The following ZNF91 variants were observed in gnomAD, a reference collection of about 807,000 sequenced individuals.
The protein encoded by ZNF91 is zinc finger protein 91 (HPF7, HTF10).
In ZNF91, 7 loss-of-function variants were observed where a neutral mutation model predicts 12.6. That is an observed-to-expected ratio of 0.55 (90% CI 0.31 to 1.04). The LOEUF (loss-of-function observed/expected upper bound fraction) is 1.04. Among genes scored for constraint, ZNF91 ranks in the 50% least tolerant of loss-of-function variants. ZNF91 has a pLI of 0.05. For synonymous variants in ZNF91, 453 were observed against 462.6 expected (o/e 0.98, Z 0.27); for missense variants, 1,217 against 1,385.4 (o/e 0.88, Z 1.93).
chr19:23,388,393 A>T (rs1969946393), intron 1 of ZNF91, among the ~76,000 whole-genome samples: 1 of 145,636 alleles, frequency 6.9e-6, no homozygotes, highest in African/African-American at 2.5e-5. Context: ...TTCATATAAA[A>T]CCACAACAGA....
chr19:23,323,724 G>T (rs1967771703), intron 1 of ZNF91, among the ~76,000 whole-genome samples: 2 of 96,016 alleles, frequency 2.1e-5, no homozygotes, highest in African/African-American at 4.8e-5. Flanking sequence ...TTTCTTCTAC[G>T]CCTTCTCCTC....
intron 1 of ZNF91, 99 bp from the exon 2 acceptor site, chr19:23,374,863 T>C (rs1969446165): frequency 1.7e-5 from 26 of 1,550,302 alleles, no homozygotes; most frequent in African/African-American, 4.2e-5. Context: ...GAACTGGTTC[T>C]GACTTATAAG....
chr19:23,351,859 C>G (rs1599711029), intron 3 of ZNF91, among the ~76,000 whole-genome samples: 2 of 152,262 alleles, frequency 1.3e-5, no homozygotes, highest in South Asian at 2.1e-4. Flanking sequence ...CACCCCCATA[C>G]AGGGTGGAGG....
At position 23,359,493 on chromosome 19, in the gene ZNF91, G is replaced by A. The variant is rs1968618930; in HGVS notation, c.3486C>T (p.Ile1162=). 4 of 1,612,988 alleles carry A rather than the reference G, an allele frequency of 2.5e-6. No individual in the cohort carries two copies. Among genetic ancestry groups the A allele is most frequent in the Non-Finnish European group, 3.4e-6 (4 of 1,179,034 alleles). The stretch of plus-strand genomic sequence containing the variant: ...CCGCCTCGGCCTCCCAAAGTAGTGG[G>A]ATTACAGGTGTGATAGTATGAATTT... ...HKKIHTITPV[I]PLLWEAEAGG... is the part of the protein sequence containing the mutation. The change falls in exon 4 of 4, where the codon ATC becomes ATT. Residue 1162 remains isoleucine, a synonymous_variant. Coordinates refer to ENST00000300619, the MANE Select transcript of ZNF91 (RefSeq NM_003430.4).
intron 3 of ZNF91, among the ~76,000 whole-genome samples, chr19:23,343,988 G>A (rs1284314812): frequency 2.0e-5 from 3 of 152,182 alleles, no homozygotes; most frequent in African/African-American, 7.2e-5. Context: ...CAGGAAACAT[G>A]CTAACCAAGT....
At chr19:23,380,907 T>C (rs1214834925) in intron 1 of ZNF91, 1 of 152,186 alleles carries the variant, frequency 6.6e-6, no homozygotes, top group East Asian at 1.9e-4. Flanking sequence ...GTTAATATAA[T>C]GGAATATATG....
chr19:23,337,358 G>A (rs537333770), downstream of ZNF91, among the ~76,000 whole-genome samples: 13 of 145,636 alleles, frequency 8.9e-5, no homozygotes, highest in Non-Finnish European at 1.8e-4. Context: ...ATGTGTGTGT[G>A]TATATATATA....
downstream of ZNF91, chr19:23,338,694 G>C (rs1159144857): frequency 2.0e-5 from 3 of 152,070 alleles, no homozygotes; most frequent in East Asian, 5.8e-4. Context: ...TTAACATTAT[G>C]ATAGTAACAA....
At chr19:23,308,363 A>T (rs1008337824) in intron 2 of ZNF91, 3 of 152,156 alleles carry the variant, frequency 2.0e-5, no homozygotes, top group African/African-American at 7.2e-5. Context: ...GGGCATTTTG[A>T]CATATCTCTG....
intron 1 of ZNF91, among the ~76,000 whole-genome samples, chr19:23,394,286 G>T (rs1358582151): frequency 6.6e-6 from 1 of 152,210 alleles, no homozygotes; most frequent in African/African-American, 2.4e-5. Context: ...CTAGTCCTCG[G>T]ATTTCTACTT....
intron 1 of ZNF91, among the ~76,000 whole-genome samples, chr19:23,320,887 A>G (rs1302116763): frequency 6.6e-6 from 1 of 152,164 alleles, no homozygotes; most frequent in African/African-American, 2.4e-5. Context: ...AAAAGTTGCA[A>G]TGTTGACTCT....
At chr19:23,394,559 C>T (rs769305815) in intron 1 of ZNF91, among the ~76,000 whole-genome samples, 1 of 151,860 alleles carries the variant, frequency 6.6e-6, no homozygotes, top group Non-Finnish European at 1.5e-5. Context: ...GGTGAAACCC[C>T]GTCTCTCCGA....
At chr19:23,378,120 G>A (rs1216404290) in intron 1 of ZNF91, among the ~76,000 whole-genome samples, 1 of 152,166 alleles carries the variant, frequency 6.6e-6, no homozygotes, top group Admixed American at 6.6e-5. Context: ...AAAACAAGTT[G>A]CTAAATGGAA....
intron 1 of ZNF91, among the ~76,000 whole-genome samples, chr19:23,321,127 C>T (rs1289576052): frequency 2.0e-5 from 3 of 152,152 alleles, no homozygotes; most frequent in Non-Finnish European, 4.4e-5. Flanking sequence ...ATAATCTCAT[C>T]TGTGGATTTT....
At chr19:23,346,097 T>TA (rs1968224837) in intron 3 of ZNF91, among the ~76,000 whole-genome samples, 1 of 152,146 alleles carries the variant, frequency 6.6e-6, no homozygotes, top group African/African-American at 2.4e-5. Context: ...AACATGTTGT[T>TA]AGAGTTCACA....
In ZNF91 at chr19:23,359,882, G is replaced by A. The variant is rs759467410; in HGVS notation, c.3097C>T (p.Arg1033Ter). 3.8e-6 allele frequency: 6 copies of A among 1,586,638 alleles called. No homozygotes were observed. Among genetic ancestry groups the A allele is most frequent in the African/African-American group, 2.7e-5 (2 of 73,586 alleles). The change falls in exon 4 of 4, where the codon CGA becomes TGA. Residue 1033 changes from arginine (R) to a stop codon, truncating the protein, a stop_gained. Transcript: ENST00000300619. LOFTEE classifies it low-confidence loss of function (END_TRUNC). Reference sequence around the variant, plus strand: ...TTATGTGTAGTAAGCTTTGAGGATCGATTAAAAGCTTTGCCACATTCTTCA... The same window carrying A: ...TTATGTGTAGTAAGCTTTGAGGATCAATTAAAAGCTTTGCCACATTCTTCA... Reference protein sequence around the residue: ...KCEECGKAFNRSSKLTTHKII... With the variant: ...KCEECGKAFN
chr19:23,333,171 C>G (rs1415630537), intron 1 of ZNF91, among the ~76,000 whole-genome samples: 1 of 152,162 alleles, frequency 6.6e-6, no homozygotes, highest in African/African-American at 2.4e-5. Context: ...CATATGAAAC[C>G]TCCTTTTGAA....
chr19:23,326,438 C>T (rs11666772), intron 1 of ZNF91: 28,621 of 152,040 alleles, frequency 0.19, 2,915 homozygotes, highest in Non-Finnish European at 0.21. Context: ...AGCAATTCTC[C>T]TGCCTCAGCC....
chr19:23,342,263 G>A (rs1968140672), intron 3 of ZNF91: 1 of 459,520 alleles, frequency 2.2e-6, no homozygotes, highest in Non-Finnish European at 4.0e-6. Context: ...GAGACAGCAA[G>A]GCCTGTTTTG....
Sources: gnomAD v4.1 joint callset for allele counts (sites outside exome capture counted in the v4.1 genomes callset) on GRCh38, gnomAD v4.1.1 for gene constraint, MANE v1.5 for transcripts, NCBI Gene and HGNC (gene_info 2026-07-23, HGNC 2026-07-21) for gene names.